Variants in COL25A1 observed in about 807,000 individuals in gnomAD.
COL25A1 encodes collagen type XXV alpha 1 chain, also known as collagen alpha-1(XXV) chain.
In COL25A1, 103 loss-of-function variants were observed where a neutral mutation model predicts 128.4. That is an observed-to-expected ratio of 0.80 (90% CI 0.68 to 0.94). The LOEUF (loss-of-function observed/expected upper bound fraction) is 0.94, where lower values mean the gene tolerates loss of function less well. Ranked by LOEUF, COL25A1 falls within the 40% of genes least tolerant of loss-of-function variation. COL25A1 has a pLI of 0.00. For missense variants in COL25A1, 745 were observed against 840.0 expected, an observed-to-expected ratio of 0.89 and a Z score of 1.40; for synonymous variants, 279 against 277.2, an observed-to-expected ratio of 1.01 and a Z score of -0.06.
At chr4:108,919,111 TTAA>T (rs1032046998) in intron 12 of COL25A1, among the ~76,000 whole-genome samples, 3 of 152,166 alleles carry the variant, frequency 2.0e-5, no homozygotes, top group African/African-American at 7.2e-5. Context: ...TTACATTTCT[TTAA>T]TAATAATGGG....
chr4:109,142,705 T>C (rs1770534242), intron 3 of COL25A1, among the ~76,000 whole-genome samples: 1 of 152,158 alleles, frequency 6.6e-6, no homozygotes, highest in Non-Finnish European at 1.5e-5. Context: ...TTAAAGTCTG[T>C]TTTATCAGAC....
intron 3 of COL25A1, among the ~76,000 whole-genome samples, chr4:109,139,480 T>C (rs1022421339): frequency 2.6e-5 from 4 of 152,186 alleles, no homozygotes; most frequent in African/African-American, 9.6e-5. Context: ...CTTTAATCCA[T>C]CTTGAGTTAA....
intron 6 of COL25A1, among the ~76,000 whole-genome samples, chr4:108,975,041 G>A (rs1479859438): frequency 2.0e-5 from 3 of 152,182 alleles, no homozygotes; most frequent in African/African-American, 7.2e-5. Flanking sequence ...TTTGTGTGTA[G>A]TTGTAGATTG....
At chr4:108,832,454 G>T in intron 31 of COL25A1, 21 bp from the exon 32 acceptor site, 2 of 1,536,744 alleles carry the variant, frequency 1.3e-6, no homozygotes, top group Non-Finnish European at 8.9e-7. Flanking sequence ...GATAATATGA[G>T]ATATATCACA....
intron 3 of COL25A1, among the ~76,000 whole-genome samples, chr4:109,082,548 G>A (rs573442701): frequency 6.6e-6 from 1 of 152,276 alleles, no homozygotes; most frequent in East Asian, 1.9e-4. Flanking sequence ...GATTACTAAT[G>A]AAACTGAGCA....
At chr4:108,928,124 T>C (rs748164232) in intron 11 of COL25A1, among the ~76,000 whole-genome samples, 2 of 152,018 alleles carry the variant, frequency 1.3e-5, no homozygotes, top group Non-Finnish European at 2.9e-5. Context: ...TTCCCTCGAG[T>C]ACTATAAAGG....
At chr4:109,217,651 A>G (rs7692037) in intron 3 of COL25A1, among the ~76,000 whole-genome samples, 69,848 of 151,936 alleles carry the variant, frequency 0.46, 19,382 homozygotes, top group African/African-American at 0.78. Flanking sequence ...TTGGTTCCAC[A>G]ACCTCCCGAG....
chr4:108,986,071 A>G (rs1284117640), intron 6 of COL25A1, among the ~76,000 whole-genome samples: 3 of 152,196 alleles, frequency 2.0e-5, no homozygotes, highest in Admixed American at 6.5e-5. Flanking sequence ...CAAGTCCTAT[A>G]GATTTCATTT....
At chr4:109,288,159 T>G (rs573644242) in intron 3 of COL25A1, among the ~76,000 whole-genome samples, 1 of 152,316 alleles carries the variant, frequency 6.6e-6, no homozygotes, top group East Asian at 1.9e-4. Context: ...AAAAAGTTCC[T>G]TCAGTCCTTC....
intron 3 of COL25A1, among the ~76,000 whole-genome samples, chr4:109,242,927 A>C (rs1176345157): frequency 2.0e-5 from 3 of 152,056 alleles, no homozygotes; most frequent in Non-Finnish European, 4.4e-5. Context: ...AACACCTAAA[A>C]TCTACTCTTT....
intron 3 of COL25A1, among the ~76,000 whole-genome samples, chr4:109,263,249 A>T (rs1296330361): frequency 6.6e-6 from 1 of 152,238 alleles, no homozygotes; most frequent in Non-Finnish European, 1.5e-5. Context: ...ATATATTTTA[A>T]AAGAACACAA....
intron 13 of COL25A1, among the ~76,000 whole-genome samples, chr4:108,909,224 G>A (rs900006847): frequency 6.6e-6 from 1 of 152,180 alleles, no homozygotes; most frequent in East Asian, 1.9e-4. Flanking sequence ...AAGCAAGATG[G>A]AGTTGGTTGA....
chr4:108,832,682 T>C (rs577164587), intron 31 of COL25A1: 176 of 369,002 alleles, frequency 4.8e-4, no homozygotes, highest in Non-Finnish European at 6.6e-4. Flanking sequence ...TATTTAATTA[T>C]ATCTTTTTCC....
At chr4:108,891,727 A>G (rs1741534521) in intron 16 of COL25A1, among the ~76,000 whole-genome samples, 1 of 151,438 alleles carries the variant, frequency 6.6e-6, no homozygotes, top group Admixed American at 6.6e-5. Context: ...TTTTTTTAAT[A>G]CAAAAAAATT....
intron 3 of COL25A1, among the ~76,000 whole-genome samples, chr4:109,182,811 G>A (rs564651013): frequency 6.6e-6 from 1 of 152,150 alleles, no homozygotes; most frequent in South Asian, 2.1e-4. Context: ...GTCTACCCCA[G>A]CAGGTGTTAG....
chr4:109,001,386 C>CCTGTCAGGTAGGCATCTGAGATG, intron 6 of COL25A1, among the ~76,000 whole-genome samples: 2 of 152,154 alleles, frequency 1.3e-5, no homozygotes, highest in Non-Finnish European at 1.5e-5. Flanking sequence ...CATCTGAGAT[C>CCTGTCAGGTAGGCATCTGAGATG]CTGTCAGGTA....
chr4:108,904,071 T>G (rs945470332), intron 13 of COL25A1, among the ~76,000 whole-genome samples: 1 of 152,200 alleles, frequency 6.6e-6, no homozygotes, highest in Non-Finnish European at 1.5e-5. Context: ...ATTCTGTTAC[T>G]GTCCACACTT....
chr4:109,054,964 C>T lies in COL25A1; in HGVS notation c.368-4785G>A, dbSNP rs554010573. On this transcript the variant is annotated intron_variant, in intron 3 of 37. Coordinates refer to ENST00000399132, the MANE Select transcript of COL25A1 (RefSeq NM_198721.4). ...AACCTGTCTGGGCACAGGGAGACAG[C>T]GGATCATCCTTTCTGAACCAACCTC... 1.3e-4 allele frequency among the ~76,000 whole-genome samples: 20 copies of T among 152,258 alleles called. No homozygotes were observed. The East Asian group carries it at 3.5e-3, about 26-fold the overall frequency.
At position 109,064,859 on chromosome 4, in the gene COL25A1, A is replaced by G. The variant is rs566728392; in HGVS notation, c.368-14680T>C. On this transcript the variant is annotated intron_variant, in intron 3 of 37. Coordinates refer to ENST00000399132, the MANE Select transcript of COL25A1 (RefSeq NM_198721.4). ...ACCCTAGGTCCATCAAAGTAAATAC[A>G]AGAAAGCCAGCCAAGTCAATTGATT... Among the ~76,000 whole-genome samples the G allele has an allele frequency of 2.6e-5, 4 of 152,342 alleles. No individual in the cohort carries two copies. The South Asian group carries it at 8.3e-4, about 32-fold the overall frequency.
Sources: gnomAD v4.1 joint callset for allele counts (sites outside exome capture counted in the v4.1 genomes callset) on GRCh38, gnomAD v4.1.1 for gene constraint, MANE v1.5 for transcripts, NCBI Gene and HGNC (gene_info 2026-07-23, HGNC 2026-07-21) for gene names.